Variants in PPP2R5E observed in about 807,000 individuals in gnomAD.
The protein encoded by PPP2R5E is serine/threonine-protein phosphatase 2A 56 kDa regulatory subunit epsilon isoform.
Under a neutral mutation model 65.3 loss-of-function variants are expected in PPP2R5E, and 4 were observed. The observed-to-expected ratio is 0.06, with a 90% CI of 0.03 to 0.14. The LOEUF (loss-of-function observed/expected upper bound fraction) is 0.14. Among genes scored for constraint, PPP2R5E ranks in the 10% least tolerant of loss-of-function variants. PPP2R5E has a pLI of 1.00. For synonymous variants in PPP2R5E, 183 were observed against 187.4 expected, an observed-to-expected ratio of 0.98 and a Z score of 0.19; for missense variants, 274 against 556.1, an observed-to-expected ratio of 0.49 and a Z score of 5.10.
intron 3 of PPP2R5E, among the ~76,000 whole-genome samples, chr14:63,430,116 T>G (rs189442691): frequency 6.6e-6 from 1 of 152,214 alleles, no homozygotes; most frequent in African/African-American, 2.4e-5. Flanking sequence ...AACAATTAAA[T>G]CTGAAACAAA....
intron 2 of PPP2R5E, among the ~76,000 whole-genome samples, chr14:63,524,549 T>C (rs1017181883): frequency 1.3e-5 from 2 of 152,178 alleles, no homozygotes; most frequent in African/African-American, 4.8e-5. Context: ...CCCAGACCCT[T>C]TCCTACAATA....
intron 2 of PPP2R5E, among the ~76,000 whole-genome samples, chr14:63,516,834 C>T (rs775227337): frequency 9.2e-5 from 14 of 152,232 alleles, no homozygotes; most frequent in Non-Finnish European, 1.5e-4. Flanking sequence ...AATGTACTAA[C>T]TTTGACAGCT....
At chr14:63,542,206 T>C (rs1893929460) in intron 1 of PPP2R5E, among the ~76,000 whole-genome samples, 1 of 152,106 alleles carries the variant, frequency 6.6e-6, no homozygotes, top group South Asian at 2.1e-4. Flanking sequence ...ATCGCAACCC[T>C]GAAGCACTGC....
intron 4 of PPP2R5E, among the ~76,000 whole-genome samples, chr14:63,415,532 G>A (rs967675924): frequency 1.6e-4 from 25 of 151,964 alleles, no homozygotes; most frequent in Admixed American, 1.6e-3. Context: ...ACATACTAAT[G>A]TACTATAAAT....
intron 4 of PPP2R5E, among the ~76,000 whole-genome samples, chr14:63,417,089 T>C (rs191134218): frequency 1.2e-4 from 18 of 152,360 alleles, no homozygotes; most frequent in Non-Finnish European, 2.2e-4. Context: ...CAATCATCTG[T>C]CTTGCACTTT....
At chr14:63,533,556 C>CA (rs1391736937) in intron 2 of PPP2R5E, among the ~76,000 whole-genome samples, 1 of 151,814 alleles carries the variant, frequency 6.6e-6, no homozygotes, top group Non-Finnish European at 1.5e-5. Context: ...AGCTAAACTC[C>CA]GTCTAGTCAT....
At chr14:63,449,557 A>G (rs1434127478) in intron 3 of PPP2R5E, among the ~76,000 whole-genome samples, 1 of 152,200 alleles carries the variant, frequency 6.6e-6, no homozygotes, top group Non-Finnish European at 1.5e-5. Flanking sequence ...GAGGGCACCA[A>G]GTGGGACGTG....
intron 11 of PPP2R5E, among the ~76,000 whole-genome samples, chr14:63,388,212 C>T (rs1288904161): frequency 6.6e-6 from 1 of 151,674 alleles, no homozygotes; most frequent in Non-Finnish European, 1.5e-5. Flanking sequence ...ATGATCTCAG[C>T]TCACTGCAAT....
intron 2 of PPP2R5E, among the ~76,000 whole-genome samples, chr14:63,504,372 A>G (rs1892055044): frequency 6.6e-6 from 1 of 152,222 alleles, no homozygotes; most frequent in South Asian, 2.1e-4. Context: ...ACTTCAGGTC[A>G]GGAGTTCAAG....
intron 2 of PPP2R5E, among the ~76,000 whole-genome samples, chr14:63,484,464 G>A (rs770983945): frequency 7.9e-5 from 12 of 151,118 alleles, no homozygotes; most frequent in Non-Finnish European, 1.5e-4. Flanking sequence ...TTGCTCACAT[G>A]AACACTATTA....
chr14:63,469,410 T>C (rs2139549724), intron 2 of PPP2R5E, among the ~76,000 whole-genome samples: 1 of 152,224 alleles, frequency 6.6e-6, no homozygotes, highest in East Asian at 1.9e-4. Context: ...ACAATTAAAG[T>C]GGCCGGGCGC....
intron 2 of PPP2R5E, among the ~76,000 whole-genome samples, chr14:63,504,994 CAA>C (rs1892089383): frequency 6.6e-6 from 1 of 152,106 alleles, no homozygotes; most frequent in African/African-American, 2.4e-5. Flanking sequence ...ATTGGGAAGA[CAA>C]AGTTTTGAGT....
chr14:63,483,696 C>A (rs115158870), intron 2 of PPP2R5E, among the ~76,000 whole-genome samples: 1,597 of 152,142 alleles, frequency 0.01, 23 homozygotes, highest in African/African-American at 0.035. Context: ...TCCACAGGGG[C>A]CACGCTAGAG....
chr14:63,542,460 G>C (rs1304588523), intron 1 of PPP2R5E, among the ~76,000 whole-genome samples: 1 of 152,114 alleles, frequency 6.6e-6, no homozygotes, highest in Non-Finnish European at 1.5e-5. Context: ...ACGATAAGCT[G>C]CTAGAGAATC....
chr14:63,486,096 C>T (rs539127619), intron 2 of PPP2R5E, among the ~76,000 whole-genome samples: 24 of 152,180 alleles, frequency 1.6e-4, no homozygotes, highest in Admixed American at 4.6e-4. Context: ...TCCCAAAGTG[C>T]TGGGATTATA....
chr14:63,454,599 G>A (rs571832180), intron 2 of PPP2R5E, among the ~76,000 whole-genome samples: 8 of 152,090 alleles, frequency 5.3e-5, no homozygotes, highest in East Asian at 1.9e-4. Flanking sequence ...CTCTTTTCCC[G>A]CAAACAGCAG....
intron 2 of PPP2R5E, among the ~76,000 whole-genome samples, chr14:63,514,509 A>AG (rs1057072374): frequency 2.2e-4 from 33 of 152,054 alleles, no homozygotes; most frequent in Non-Finnish European, 3.5e-4. Context: ...TTAAAAAAAA[A>AG]AGAGAGAGAG....
chr14:63,473,492 G>A lies in PPP2R5E; in HGVS notation c.158-19607C>T, dbSNP rs187364266. Among the ~76,000 whole-genome samples, 39 of 152,272 alleles carry A rather than the reference G, an allele frequency of 2.6e-4. No individual in the cohort carries two copies. In the East Asian group the frequency reaches 6.7e-3, roughly 26 times the overall value. The stretch of plus-strand genomic sequence containing the variant: ...AGAGAACCAAGATGATGAAGTGCCC[G>A]CAAAAACAAGAAGTAAAGCTCTGAG... On this transcript the variant is annotated intron_variant, in intron 2 of 13. Coordinates refer to ENST00000337537, the MANE Select transcript of PPP2R5E (RefSeq NM_006246.5).
At chr14:63,501,076 G>GT (rs1891852833) in intron 2 of PPP2R5E, among the ~76,000 whole-genome samples, 1 of 152,130 alleles carries the variant, frequency 6.6e-6, no homozygotes, top group Non-Finnish European at 1.5e-5. Flanking sequence ...TCAGACACTT[G>GT]TAAGAGGGAG....
Sources: allele counts gnomAD v4.1 joint callset (sites outside exome capture counted in the v4.1 genomes callset), GRCh38; gene constraint gnomAD v4.1.1; transcripts MANE v1.5; gene names NCBI Gene and HGNC (gene_info 2026-07-23, HGNC 2026-07-21).